The following CADPS2 variants were observed in gnomAD, a reference collection of about 807,000 sequenced individuals.
CADPS2 encodes the protein calcium-dependent secretion activator 2.
CADPS2 carries 93 observed loss-of-function variants against 172.5 expected under a neutral mutation model. That is an observed-to-expected ratio of 0.54 (90% CI 0.46 to 0.64). The LOEUF is 0.64. Among genes scored for constraint, CADPS2 ranks in the 30% least tolerant of loss-of-function variants. The pLI is 0.00. For missense variants in CADPS2, 1,420 were observed against 1,565.9 expected (o/e 0.91, Z 1.57); for synonymous variants, 546 against 555.2 (o/e 0.98, Z 0.23).
intron 5 of CADPS2, 107 bp downstream of exon 5, chr7:122,621,374 A>G (rs1036107173): frequency 2.7e-6 from 2 of 744,168 alleles, no homozygotes; most frequent in African/African-American, 3.5e-5. Flanking sequence ...CATCTCCAAC[A>G]TATATTACAC....
At chr7:122,742,174 TGAGG>T (rs1286216046) in intron 1 of CADPS2, among the ~76,000 whole-genome samples, 1 of 151,912 alleles carries the variant, frequency 6.6e-6, no homozygotes, top group Non-Finnish European at 1.5e-5. Flanking sequence ...GCGGATCACC[TGAGG>T]TCAGGAGTTC....
At chr7:122,586,155 T>C (rs1197996928) in intron 6 of CADPS2, among the ~76,000 whole-genome samples, 1 of 151,970 alleles carries the variant, frequency 6.6e-6, no homozygotes, top group Non-Finnish European at 1.5e-5. Context: ...AGAGGGAGGA[T>C]ACAAAACTGA....
intron 3 of CADPS2, among the ~76,000 whole-genome samples, chr7:122,640,308 T>C (rs954550463): frequency 6.6e-6 from 1 of 152,158 alleles, no homozygotes; most frequent in African/African-American, 2.4e-5. Context: ...GCACCCCCTC[T>C]CTTTCTTTGG....
At chr7:122,615,983 A>G (rs1274102333) in intron 5 of CADPS2, among the ~76,000 whole-genome samples, 1 of 152,042 alleles carries the variant, frequency 6.6e-6, no homozygotes, top group Non-Finnish European at 1.5e-5. Context: ...TGCCTTATGT[A>G]CTTGTAACTC....
intron 6 of CADPS2, among the ~76,000 whole-genome samples, chr7:122,592,285 G>A (rs1187048224): frequency 3.3e-5 from 5 of 152,088 alleles, no homozygotes; most frequent in African/African-American, 1.2e-4. Flanking sequence ...AAACCACAAT[G>A]AGATACCATC....
chr7:122,573,163 C>T (rs2067498749), intron 7 of CADPS2, among the ~76,000 whole-genome samples: 1 of 152,022 alleles, frequency 6.6e-6, no homozygotes, highest in Non-Finnish European at 1.5e-5. Flanking sequence ...ATTAGCATCC[C>T]CTTGGAAGTG....
intron 2 of CADPS2, among the ~76,000 whole-genome samples, chr7:122,714,925 A>G (rs1257606292): frequency 1.3e-5 from 2 of 152,082 alleles, no homozygotes; most frequent in Non-Finnish European, 2.9e-5. Context: ...TAGAAAATGG[A>G]GATCAAGTGT....
At chr7:122,512,106 T>C (rs1441417426) in intron 9 of CADPS2, among the ~76,000 whole-genome samples, 1 of 151,876 alleles carries the variant, frequency 6.6e-6, no homozygotes, top group African/African-American at 2.4e-5. Flanking sequence ...AAAAAAAAAA[T>C]AGGCTGGTTG....
chr7:122,669,353 A>G (rs932277643), intron 2 of CADPS2, among the ~76,000 whole-genome samples: 1 of 81,436 alleles, frequency 1.2e-5, no homozygotes, highest in Non-Finnish European at 2.4e-5. Flanking sequence ...ATATATATAT[A>G]TATTTTTTTT....
intron 6 of CADPS2, among the ~76,000 whole-genome samples, chr7:122,595,394 T>C (rs150538683): frequency 6.6e-6 from 1 of 152,214 alleles, no homozygotes; most frequent in African/African-American, 2.4e-5. Flanking sequence ...GGGGGTTATG[T>C]TCTTTGGGGC....
intron 1 of CADPS2, among the ~76,000 whole-genome samples, chr7:122,767,259 T>C (rs2093581657): frequency 6.6e-6 from 1 of 152,190 alleles, no homozygotes; most frequent in Non-Finnish European, 1.5e-5. Flanking sequence ...AAGCATTTTT[T>C]TCCTCATCTC....
chr7:122,641,741 A>C (rs2134527078), intron 3 of CADPS2, among the ~76,000 whole-genome samples: 1 of 152,278 alleles, frequency 6.6e-6, no homozygotes, highest in East Asian at 1.9e-4. Flanking sequence ...GTTAACCTGA[A>C]TGGTCCATGA....
At chr7:122,673,610 T>C (rs1355786562) in intron 2 of CADPS2, among the ~76,000 whole-genome samples, 1 of 151,824 alleles carries the variant, frequency 6.6e-6, no homozygotes, top group Non-Finnish European at 1.5e-5. Flanking sequence ...CCCCACCAGA[T>C]TAGCTAAATA....
chr7:122,345,362 T>C (rs1010044793), intron 28 of CADPS2, among the ~76,000 whole-genome samples: 6 of 152,168 alleles, frequency 3.9e-5, no homozygotes, highest in Non-Finnish European at 8.8e-5. Context: ...AGTCTTGAAC[T>C]CCTGACCTCA....
chr7:122,708,040 G>A (rs2087889622), intron 2 of CADPS2, among the ~76,000 whole-genome samples: 1 of 151,596 alleles, frequency 6.6e-6, no homozygotes. Context: ...TTGCTATAAT[G>A]GAACAAATGA....
At chr7:122,554,733 T>C (rs372044967) in intron 7 of CADPS2, 44 bp from the exon 8 acceptor site, 15 of 1,469,966 alleles carry the variant, frequency 1.0e-5, no homozygotes, top group South Asian at 1.4e-5. Context: ...TGATACGGAG[T>C]GTCTATGGGT....
rs1247239768 is a variant in CADPS2 at position 122,541,827 on chromosome 7, ATATTCATATG to A, written c.1475+12713_1475+12722del. ...TATATTTATATATTCATATGTTTAT[ATATTCATATG>A]TTTATATATTCATATATATTTATAT... On this transcript the variant is annotated intron_variant, in intron 8 of 29. Coordinates refer to ENST00000449022, the MANE Select transcript of CADPS2 (RefSeq NM_017954.11). 3.5e-5 allele frequency among the ~76,000 whole-genome samples: 4 copies of A among 114,150 alleles called. No homozygotes were observed. The East Asian group carries it at 8.1e-4, about 23-fold the overall frequency. 74.9% of individuals were successfully genotyped at this position (114,150 alleles called of 152,430 possible). A position where few individuals can be genotyped will look rare whatever the true frequency, so the allele number is the denominator to read the frequency against.
intron 27 of CADPS2, among the ~76,000 whole-genome samples, chr7:122,348,690 C>T (rs1304637960): frequency 6.6e-6 from 1 of 152,166 alleles, no homozygotes; most frequent in African/African-American, 2.4e-5. Context: ...CTAGTGAATA[C>T]ATTTTCATGT....
chr7:122,821,565 C>T (rs941335140), intron 1 of CADPS2, among the ~76,000 whole-genome samples: 1 of 152,136 alleles, frequency 6.6e-6, no homozygotes, highest in Non-Finnish European at 1.5e-5. Context: ...GCCTTTCCTA[C>T]AGGGTCTGAG....
Sources: gnomAD v4.1 joint callset for allele counts (sites outside exome capture counted in the v4.1 genomes callset) on GRCh38, gnomAD v4.1.1 for gene constraint, MANE v1.5 for transcripts, NCBI Gene and HGNC (gene_info 2026-07-23, HGNC 2026-07-21) for gene names.